SSUH2: variants seen among roughly 807,000 people sequenced by gnomAD.
SSUH2 encodes protein SSUH2 homolog.
A neutral mutation model predicts 55.3 loss-of-function variants in SSUH2; 47 were observed. That is an observed-to-expected ratio of 0.85 (90% confidence interval 0.67 to 1.08). The LOEUF is 1.08. Ranked by LOEUF, SSUH2 falls within the 50% of genes least tolerant of loss-of-function variation. The pLI is 0.00. For missense variants in SSUH2, 535 were observed against 490.7 expected, an observed-to-expected ratio of 1.09 and a Z score of -0.85; for synonymous variants, 212 against 191.5, an observed-to-expected ratio of 1.11 and a Z score of -0.89.
At chr3:8,627,884 C>T in intron 7 of SSUH2, 101 bp from the exon 8 acceptor site, 4 of 992,284 alleles carry the variant, frequency 4.0e-6, no homozygotes, top group Non-Finnish European at 5.8e-6. Flanking sequence ...GACCTTCCTC[C>T]CCCTGGGCCT....
At position 8,653,661 on chromosome 3, in the gene SSUH2, C is replaced by G. The variant is rs182730847; in HGVS notation, c.-307+5264G>C. On this transcript the variant is annotated intron_variant, in intron 7 of 18. Transcript: ENST00000317371. ...ACATAGAAATAACTAAAATATTGTTCACAAGACTTTTGTTTTTACTGATAA... is the reference window on the plus strand; with the variant it reads ...ACATAGAAATAACTAAAATATTGTTGACAAGACTTTTGTTTTTACTGATAA... 1.1e-3 allele frequency among the ~76,000 whole-genome samples: 161 copies of G among 152,278 alleles called. 1 individual carries two copies. The highest frequency in any genetic ancestry group is 3.7e-3 in the African/African-American group (155 of 41,558).
upstream of SSUH2, chr3:8,644,928 C>G: frequency 1.5e-6 from 1 of 659,230 alleles, no homozygotes; most frequent in Non-Finnish European, 2.7e-6. Flanking sequence ...GCTCTGCACC[C>G]AATCCACCGG....
chr3:8,627,787 C>A lies in SSUH2; in HGVS notation c.589-4G>T, dbSNP rs768186436. The A allele has an allele frequency of 1.2e-6, 2 of 1,607,436 alleles. No individual in the cohort carries two copies. Among genetic ancestry groups the A allele is most frequent in the South Asian group, 1.1e-5 (1 of 90,168 alleles). ...CGCAGCAGGATGGGCACCGCACCTGCAGACACACCACTGCCTCAGCCCCCG... is the reference window on the plus strand; with the variant it reads ...CGCAGCAGGATGGGCACCGCACCTGAAGACACACCACTGCCTCAGCCCCCG... On this transcript the variant is annotated splice_region_variant and splice_polypyrimidine_tract_variant and intron_variant, in intron 7 of 11. Transcript: ENST00000544814.
chr3:8,622,388 A>G (rs1325934563), intron 11 of SSUH2, among the ~76,000 whole-genome samples: 1 of 152,180 alleles, frequency 6.6e-6, no homozygotes, highest in African/African-American at 2.4e-5. Context: ...TGGACCTGCC[A>G]CCAACAAACT....
intron 7 of SSUH2, among the ~76,000 whole-genome samples, chr3:8,658,199 C>T (rs976684372): frequency 6.6e-6 from 1 of 152,230 alleles, no homozygotes; most frequent in Non-Finnish European, 1.5e-5. Flanking sequence ...CATGTGTAAG[C>T]AGTTAGCGGA....
chr3:8,657,711 AGAAG>A (rs1287808912), intron 7 of SSUH2, among the ~76,000 whole-genome samples: 2 of 152,222 alleles, frequency 1.3e-5, no homozygotes, highest in East Asian at 3.9e-4. Context: ...AGGTGAGTAT[AGAAG>A]GAAGGGAAGG....
intron 1 of SSUH2, among the ~76,000 whole-genome samples, chr3:8,636,889 GC>G (rs1244405040): frequency 1.3e-5 from 2 of 152,152 alleles, no homozygotes; most frequent in African/African-American, 4.8e-5. Context: ...GTTGTGACTT[GC>G]CCAAGATCAT....
intron 5 of SSUH2, among the ~76,000 whole-genome samples, chr3:8,667,859 G>A (rs1031384798): frequency 6.6e-6 from 1 of 152,040 alleles, no homozygotes; most frequent in African/African-American, 2.4e-5. Flanking sequence ...GCCAGGAAAC[G>A]GGAATGAAGA....
chr3:8,640,521 C>A (rs964443675), intron 1 of SSUH2, among the ~76,000 whole-genome samples: 4 of 152,032 alleles, frequency 2.6e-5, no homozygotes, highest in Non-Finnish European at 5.9e-5. Flanking sequence ...TCTCATCTGC[C>A]CACATGCCAA....
At chr3:8,628,546 C>T (rs1698076226) in intron 7 of SSUH2, among the ~76,000 whole-genome samples, 2 of 152,130 alleles carry the variant, frequency 1.3e-5, no homozygotes, top group Admixed American at 1.3e-4. Flanking sequence ...TTTGCAAATG[C>T]ATTTAGTTAA....
At chr3:8,681,168 G>A (rs528198081) in intron 1 of SSUH2, among the ~76,000 whole-genome samples, 20 of 142,554 alleles carry the variant, frequency 1.4e-4, no homozygotes, top group Admixed American at 2.9e-4. Context: ...AGCAGGGGGG[G>A]GAGTCACCCC....
intron 3 of SSUH2, chr3:8,634,723 A>T: frequency 2.0e-6 from 1 of 489,798 alleles, no homozygotes; most frequent in South Asian, 1.7e-5. Flanking sequence ...CCCCCGGGAG[A>T]AGCCTCTCAT....
At chr3:8,674,798 G>A (rs1189099723) in intron 3 of SSUH2, among the ~76,000 whole-genome samples, 2 of 152,022 alleles carry the variant, frequency 1.3e-5, no homozygotes, top group Non-Finnish European at 2.9e-5. Context: ...CCCGAGAGGA[G>A]GAATGGAGAC....
At chr3:8,678,665 G>C (rs142305283) in intron 2 of SSUH2, among the ~76,000 whole-genome samples, 2 of 36,000 alleles carry the variant, frequency 5.6e-5, no homozygotes, top group East Asian at 3.2e-3. Context: ...GGCACCCCCC[G>C]CGAGGCGGGG....
intron 11 of SSUH2, among the ~76,000 whole-genome samples, chr3:8,622,757 A>G (rs1289586781): frequency 1.3e-5 from 2 of 152,210 alleles, no homozygotes; most frequent in Non-Finnish European, 2.9e-5. Flanking sequence ...CCCATTGCAA[A>G]GGACAGAAAG....
At chr3:8,668,377 T>C (rs1382566054) in intron 5 of SSUH2, among the ~76,000 whole-genome samples, 1 of 152,266 alleles carries the variant, frequency 6.6e-6, no homozygotes, top group Non-Finnish European at 1.5e-5. Flanking sequence ...TTCACTGCAA[T>C]GCTTGGCAGC....
At position 8,670,390 on chromosome 3, in the gene SSUH2, A is replaced by C. The variant is rs115450268; in HGVS notation, c.-455+608T>G. Among the ~76,000 whole-genome samples, 841 of 152,076 alleles carry C rather than the reference A, an allele frequency of 5.5e-3. 4 individuals are homozygous for C. The highest frequency in any genetic ancestry group is 0.019 in the African/African-American group (780 of 41,452). ...ATAACACAGGCGGTGTACACACATG[A>C]TGTACACCACCTGTGTCATCAGGAG... On this transcript the variant is annotated intron_variant, in intron 5 of 18. Coordinates refer to the SSUH2 transcript ENST00000317371.
chr3:8,631,020 G>A, intron 5 of SSUH2, 91 bp from the exon 6 acceptor site: 2 of 1,271,964 alleles, frequency 1.6e-6, no homozygotes, highest in Non-Finnish European at 2.0e-6. Flanking sequence ...CCTTCAGTTG[G>A]TGCCAGGCAT....
chr3:8,626,426 G>T, intron 8 of SSUH2, 105 bp from the exon 9 acceptor site: 1 of 809,020 alleles, frequency 1.2e-6, no homozygotes, highest in South Asian at 1.5e-5. Context: ...ACTGTGGTGG[G>T]CCTGCATTGT....
Sources: gnomAD v4.1 joint callset for allele counts (sites outside exome capture counted in the v4.1 genomes callset) on GRCh38, gnomAD v4.1.1 for gene constraint, MANE v1.5 for transcripts, NCBI Gene and HGNC (gene_info 2026-07-23, HGNC 2026-07-21) for gene names.